ITPR1: variants seen among roughly 807,000 people sequenced by gnomAD.
ITPR1 encodes the protein inositol 1,4,5-trisphosphate receptor type 1, also known as inositol 1,4,5-trisphosphate-gated calcium channel ITPR1.
In ITPR1, 96 loss-of-function variants were observed where a neutral mutation model predicts 318.4. The ratio of observed to expected loss-of-function variants is 0.30; its 90% CI spans 0.26 to 0.36. The LOEUF is 0.36. Ranked by LOEUF, ITPR1 falls within the 10% of genes least tolerant of loss-of-function variation. ITPR1 has a pLI of 1.00. For synonymous variants in ITPR1, 1,312 were observed against 1,289.9 expected (o/e 1.02, Z -0.37); for missense variants, 2,440 against 3,460.2 (o/e 0.71, Z 7.40).
At position 4,680,590 on chromosome 3, in the gene ITPR1, GCC is replaced by G; in HGVS notation, c.3006_3007del (p.Leu1003ProfsTer5). The G allele has an allele frequency of 6.2e-7, 1 of 1,612,996 alleles. No individual in the cohort carries two copies. The highest frequency in any genetic ancestry group is 8.5e-7 in the Non-Finnish European group (1 of 1,179,018). On this transcript the variant is annotated frameshift_variant, in exon 25 of 62. Coordinates refer to ENST00000649015, the MANE Select transcript of ITPR1 (RefSeq NM_001378452.1). LOFTEE classifies it high-confidence loss of function. ...GTGAGGTTGGATTATAGGATCTCCT[GCC>G]TCCTGTGTATATTTAAGCGAGAGTT...
chr3:4,776,602 T>A (rs537268626), intron 47 of ITPR1, among the ~76,000 whole-genome samples: 24 of 152,332 alleles, frequency 1.6e-4, no homozygotes, highest in Admixed American at 9.2e-4. Flanking sequence ...ATGCACTTTC[T>A]TCTCCCGGTT....
chr3:4,673,012 G>A, intron 20 of ITPR1, 124 bp from the exon 21 acceptor site: 2 of 992,590 alleles, frequency 2.0e-6, no homozygotes, highest in Non-Finnish European at 2.9e-6. Context: ...ATTTAGGGGT[G>A]TTGATGTATG....
intron 52 of ITPR1, among the ~76,000 whole-genome samples, chr3:4,791,188 C>A (rs1430773981): frequency 6.6e-6 from 1 of 152,138 alleles, no homozygotes; most frequent in Non-Finnish European, 1.5e-5. Flanking sequence ...CTTGCCAATC[C>A]AGGATCACAG....
rs140222904 is a variant in ITPR1, at chr3:4,756,656, T to C, written c.5545-9874T>C. 3.9e-3 allele frequency among the ~76,000 whole-genome samples: 599 copies of C among 152,284 alleles called. 4 individuals carry two copies. Among genetic ancestry groups the C allele is most frequent in the African/African-American group, 0.014 (580 of 41,552 alleles). On this transcript the variant is annotated intron_variant, in intron 44 of 61. Transcript: ENST00000649015. ...TCCATCCACGTTCCCACAAAAGATA[T>C]GATCTCGTTCTTTTTCATGCCGTCC...
intron 4 of ITPR1, among the ~76,000 whole-genome samples, chr3:4,611,243 C>CAAAA (rs1238891425): frequency 1.6e-5 from 2 of 123,106 alleles, no homozygotes; most frequent in Non-Finnish European, 3.3e-5. Context: ...AAAAAAAAAA[C>CAAAA]AAAAAAAAAA....
chr3:4,597,766 G>T (rs1193472105), intron 4 of ITPR1, among the ~76,000 whole-genome samples: 1 of 152,206 alleles, frequency 6.6e-6, no homozygotes, highest in Non-Finnish European at 1.5e-5. Context: ...TGTGATATGT[G>T]ATCCTATTTA....
chr3:4,659,303 G>A (rs2093781325), intron 13 of ITPR1, among the ~76,000 whole-genome samples: 1 of 152,192 alleles, frequency 6.6e-6, no homozygotes, highest in Admixed American at 6.5e-5. Context: ...GGGATCATAA[G>A]CTATTTTAAA....
chr3:4,669,276 G>A (rs776349993), intron 18 of ITPR1, among the ~76,000 whole-genome samples: 6 of 152,318 alleles, frequency 3.9e-5, no homozygotes, highest in Middle Eastern at 3.4e-3. Flanking sequence ...GCAGAACTCC[G>A]CTAATAAGAT....
rs557504858 is a variant in ITPR1 at position 4,708,679 on chromosome 3, G to A, written c.4843-1646G>A. Among the ~76,000 whole-genome samples the A allele has an allele frequency of 2.0e-5, 3 of 151,516 alleles. No homozygotes were observed. In the East Asian group the frequency reaches 5.8e-4, roughly 29 times the overall value. On this transcript the variant is annotated intron_variant, in intron 37 of 61. Transcript: ENST00000649015. ...TTAGATTTATTATGCATATTCTTGG[G>A]AAGTTAAATGAAACGCGTAGGTGGG...
intron 12 of ITPR1, among the ~76,000 whole-genome samples, chr3:4,656,922 C>T (rs1385929749): frequency 6.6e-6 from 1 of 152,234 alleles, no homozygotes; most frequent in Non-Finnish European, 1.5e-5. Context: ...TGGCCAGTCT[C>T]TTCTGAGCAG....
chr3:4,614,972 C>T (rs57907751), intron 4 of ITPR1, among the ~76,000 whole-genome samples: 21,453 of 152,182 alleles, frequency 0.14, 2,262 homozygotes, highest in East Asian at 0.44. Flanking sequence ...ACAACAGAAA[C>T]TGACTAACAT....
At chr3:4,570,527 A>G (rs1002930958) in intron 4 of ITPR1, among the ~76,000 whole-genome samples, 8 of 152,216 alleles carry the variant, frequency 5.3e-5, no homozygotes, top group African/African-American at 1.4e-4. Context: ...TTAGTTTTTA[A>G]CCACCTGTAC....
At chr3:4,777,505 G>A (rs889448426) in intron 48 of ITPR1, 131 bp downstream of exon 48, 1 of 630,808 alleles carries the variant, frequency 1.6e-6, no homozygotes, top group Admixed American at 2.2e-5. Context: ...GAATGACCCA[G>A]GTTGCTAGTG....
At chr3:4,748,916 C>T (rs1559825344) in intron 44 of ITPR1, among the ~76,000 whole-genome samples, 4 of 152,160 alleles carry the variant, frequency 2.6e-5, no homozygotes. Flanking sequence ...AGCAGACCCT[C>T]GCTGTTCGTA....
intron 4 of ITPR1, among the ~76,000 whole-genome samples, chr3:4,577,908 T>C (rs2088855389): frequency 6.6e-6 from 1 of 152,206 alleles, no homozygotes. Context: ...ATTGGTTTCT[T>C]GTTCTGCTCT....
intron 39 of ITPR1, among the ~76,000 whole-genome samples, chr3:4,715,253 T>A (rs1424994431): frequency 1.3e-5 from 2 of 152,198 alleles, no homozygotes; most frequent in African/African-American, 4.8e-5. Flanking sequence ...TGTTTTGAGG[T>A]CCACCTACAG....
chr3:4,510,009 G>A (rs568194335), intron 2 of ITPR1, among the ~76,000 whole-genome samples: 2 of 152,206 alleles, frequency 1.3e-5, no homozygotes, highest in African/African-American at 2.4e-5. Flanking sequence ...TAGGACAGTG[G>A]TAGTGGACCC....
intron 40 of ITPR1, among the ~76,000 whole-genome samples, chr3:4,719,585 A>C (rs937726195): frequency 6.6e-5 from 10 of 152,220 alleles, no homozygotes; most frequent in African/African-American, 2.4e-4. Context: ...GAAGAGCCCC[A>C]AGGCTGTGTA....
chr3:4,710,436 G>C lies in ITPR1; in HGVS notation c.4954G>C (p.Ala1652Pro). Reference protein sequence around the residue: ...PELLFPENTDARRKCESGGFI... With the variant: ...PELLFPENTDPRRKCESGGFI... ...GCTGCTTTTCCCAGAGAACACAGACGCCAGAAGGAAATGTGAAAGTGGCGG... is the reference window on the plus strand; with the variant it reads ...GCTGCTTTTCCCAGAGAACACAGACCCCAGAAGGAAATGTGAAAGTGGCGG... Residue 1652 changes from alanine (A) to proline (P), a missense_variant, in exon 38 of 62, where the codon GCC (alanine) becomes CCC (proline). Physicochemically the swap from Ala to Pro is conservative, Grantham distance 27. Around this residue, in one of 23 missense-constraint regions of ITPR1, gnomAD observed 166 missense variants for 246.5 expected, o/e 0.67. Coordinates refer to ENST00000649015, the MANE Select transcript of ITPR1 (RefSeq NM_001378452.1). This position sits in a 1 kb window ranked among gnomAD's most constrained non-coding sequence, Gnocchi z 4.2. The C allele has an allele frequency of 6.4e-7, 1 of 1,554,130 alleles. No homozygotes were observed.
Sources: allele counts gnomAD v4.1 joint callset (sites outside exome capture counted in the v4.1 genomes callset), GRCh38; gene constraint gnomAD v4.1.1; regional missense constraint gnomAD v4.1.1; non-coding constraint Gnocchi (gnomAD v3.1); transcripts MANE v1.5; gene names NCBI Gene and HGNC (gene_info 2026-07-23, HGNC 2026-07-21).